Variants in SLC35D4 observed in about 807,000 individuals in gnomAD.
SLC35D4 encodes the protein solute carrier family 35 member D4, also known as UDP-N-acetylglucosamine transporter SLC35D4.
the SLC35D4 span, among the ~76,000 whole-genome samples, chr18:23,239,004 G>A: frequency 2.6e-5 from 4 of 152,244 alleles, no homozygotes; most frequent in Admixed American, 1.3e-4. Flanking sequence ...TAACAGACAC[G>A]TGCCTGGTGA....
the SLC35D4 span, among the ~76,000 whole-genome samples, chr18:23,243,561 T>C: frequency 6.6e-6 from 1 of 151,614 alleles, no homozygotes; most frequent in Non-Finnish European, 1.5e-5. Flanking sequence ...AAAGCCTCTT[T>C]TACAATTCAT....
At chr18:23,393,550 A>G in the SLC35D4 span, among the ~76,000 whole-genome samples, 1 of 152,182 alleles carries the variant, frequency 6.6e-6, no homozygotes, top group African/African-American at 2.4e-5. Flanking sequence ...AATGTTCTCA[A>G]GGTTCATCCA....
the SLC35D4 span, among the ~76,000 whole-genome samples, chr18:23,261,253 C>T: frequency 6.6e-6 from 1 of 152,270 alleles, no homozygotes; most frequent in East Asian, 1.9e-4. Flanking sequence ...CACTTGATCC[C>T]AGGAGTTCAA....
the SLC35D4 span, among the ~76,000 whole-genome samples, chr18:23,304,832 C>T: frequency 7.9e-5 from 12 of 152,162 alleles, no homozygotes; most frequent in African/African-American, 2.9e-4. Flanking sequence ...CAACTCTCAG[C>T]CCAGCTAAGC....
At chr18:23,249,565 T>G in the SLC35D4 span, among the ~76,000 whole-genome samples, 1 of 152,234 alleles carries the variant, frequency 6.6e-6, no homozygotes, top group Non-Finnish European at 1.5e-5. Flanking sequence ...TCTCCTGCTT[T>G]GTGCTCCTGA....
chr18:23,241,504 TG>T, the SLC35D4 span, among the ~76,000 whole-genome samples: 1 of 152,172 alleles, frequency 6.6e-6, no homozygotes, highest in Non-Finnish European at 1.5e-5. Context: ...CACTTCAGCC[TG>T]GGCGACAAGC....
At chr18:23,380,245 G>C in the SLC35D4 span, among the ~76,000 whole-genome samples, 1 of 152,086 alleles carries the variant, frequency 6.6e-6, no homozygotes, top group African/African-American at 2.4e-5. Flanking sequence ...TTAATCATGG[G>C]GTAATTAACA....
the SLC35D4 span, among the ~76,000 whole-genome samples, chr18:23,290,117 G>A: frequency 6.6e-6 from 1 of 152,346 alleles, no homozygotes; most frequent in African/African-American, 2.4e-5. Flanking sequence ...AAGCACAGCA[G>A]GCCCCAACCA....
chr18:23,412,636 A>G, the SLC35D4 span, among the ~76,000 whole-genome samples: 1 of 152,136 alleles, frequency 6.6e-6, no homozygotes, highest in African/African-American at 2.4e-5. Flanking sequence ...TCCAGCCCTA[A>G]TATTTCTTGA....
chr18:23,397,390 T>C, the SLC35D4 span, among the ~76,000 whole-genome samples: 1 of 152,194 alleles, frequency 6.6e-6, no homozygotes, highest in Non-Finnish European at 1.5e-5. Context: ...GTTGTGAGAA[T>C]GTGAGGCTGC....
At chr18:23,408,298 G>A in the SLC35D4 span, among the ~76,000 whole-genome samples, 60 of 152,164 alleles carry the variant, frequency 3.9e-4, no homozygotes, top group Middle Eastern at 3.4e-3. Context: ...TTCCACAAGG[G>A]CAACAATCTT....
chr18:23,352,020 G>A, the SLC35D4 span, among the ~76,000 whole-genome samples: 1 of 152,206 alleles, frequency 6.6e-6, no homozygotes, highest in Non-Finnish European at 1.5e-5. Context: ...AATATGCCAT[G>A]TTGATAAAAT....
chr18:23,270,584 T>C, the SLC35D4 span, among the ~76,000 whole-genome samples: 1 of 152,120 alleles, frequency 6.6e-6, no homozygotes, highest in Non-Finnish European at 1.5e-5. Context: ...AATGCCAACC[T>C]GTGAAAGCAG....
At chr18:23,430,769 C>T in the SLC35D4 span, 1 of 1,225,664 alleles carries the variant, frequency 8.2e-7, no homozygotes, top group Middle Eastern at 2.0e-4. Flanking sequence ...AAAACATAAC[C>T]ACATAACCTA....
At chr18:23,353,026 T>C in the SLC35D4 span, among the ~76,000 whole-genome samples, 1 of 150,720 alleles carries the variant, frequency 6.6e-6, no homozygotes, top group Admixed American at 6.6e-5. Context: ...GAGCTCCAAA[T>C]GCTTCCTGAC....
the SLC35D4 span, among the ~76,000 whole-genome samples, chr18:23,288,532 C>T: frequency 6.6e-5 from 10 of 151,850 alleles, no homozygotes; most frequent in East Asian, 1.9e-4. Context: ...CCCTTCCCTA[C>T]GCATCAAGCT....
the SLC35D4 span, among the ~76,000 whole-genome samples, chr18:23,413,876 G>A: frequency 4.6e-5 from 7 of 151,764 alleles, no homozygotes; most frequent in Admixed American, 3.3e-4. Context: ...CCTGGGAGGC[G>A]GAGCTTGCAG....
At chr18:23,261,722 T>C in the SLC35D4 span, among the ~76,000 whole-genome samples, 1 of 152,188 alleles carries the variant, frequency 6.6e-6, no homozygotes, top group South Asian at 2.1e-4. Context: ...ATAAATTACA[T>C]GAGATAGTCA....
the SLC35D4 span, among the ~76,000 whole-genome samples, chr18:23,286,139 G>A: frequency 9.2e-5 from 14 of 152,206 alleles, no homozygotes; most frequent in East Asian, 1.7e-3. Flanking sequence ...AATTAACCTC[G>A]CCTTCAAGTG....
Sources: gnomAD v4.1 joint callset for allele counts (sites outside exome capture counted in the v4.1 genomes callset) on GRCh38, gnomAD v4.1.1 for gene constraint, MANE v1.5 for transcripts, NCBI Gene and HGNC (gene_info 2026-07-23, HGNC 2026-07-21) for gene names.